Variants in SLC8A1 observed in about 807,000 individuals in gnomAD.
SLC8A1 encodes the protein solute carrier family 8 member A1.
In SLC8A1, 18 loss-of-function variants were observed where a neutral mutation model predicts 68.3. The observed-to-expected ratio is 0.26, with a 90% CI of 0.18 to 0.39. The LOEUF (loss-of-function observed/expected upper bound fraction) is 0.39. SLC8A1 is among the 10% of genes least tolerant of loss of function. SLC8A1 has a pLI of 1.00. For synonymous variants in SLC8A1, 475 were observed against 415.5 expected (o/e 1.14, Z -1.74); for missense variants, 985 against 1,156.7 (o/e 0.85, Z 2.15).
At chr2:40,258,459 C>T (rs1161639122) in intron 2 of SLC8A1, among the ~76,000 whole-genome samples, 1 of 152,192 alleles carries the variant, frequency 6.6e-6, no homozygotes, top group African/African-American at 2.4e-5. Context: ...TCCTACCTGT[C>T]ATTTCTTCCT....
intron 2 of SLC8A1, among the ~76,000 whole-genome samples, chr2:40,278,651 G>A (rs956888817): frequency 6.6e-6 from 1 of 152,104 alleles, no homozygotes; most frequent in Non-Finnish European, 1.5e-5. Context: ...TGGAGGCTAA[G>A]GGCATTGTGG....
At chr2:40,256,339 T>G (rs2063917749) in intron 2 of SLC8A1, among the ~76,000 whole-genome samples, 1 of 152,172 alleles carries the variant, frequency 6.6e-6, no homozygotes, top group Non-Finnish European at 1.5e-5. Flanking sequence ...TAATGTGTTT[T>G]AAGACCAAGG....
intron 2 of SLC8A1, among the ~76,000 whole-genome samples, chr2:40,342,365 G>C (rs1211242684): frequency 6.6e-6 from 1 of 152,050 alleles, no homozygotes; most frequent in African/African-American, 2.4e-5. Context: ...ATTTGATGTA[G>C]GCAAATCATA....
At chr2:40,385,067 T>G (rs1281926924) in intron 2 of SLC8A1, among the ~76,000 whole-genome samples, 1 of 152,130 alleles carries the variant, frequency 6.6e-6, no homozygotes, top group African/African-American at 2.4e-5. Context: ...CATGCCACTA[T>G]TCAATTCCTA....
intron 6 of SLC8A1, among the ~76,000 whole-genome samples, chr2:40,146,804 C>T (rs866058421): frequency 2.0e-5 from 3 of 152,036 alleles, no homozygotes; most frequent in African/African-American, 7.2e-5. Context: ...CTATACAGGC[C>T]CCATTAGCCA....
At chr2:40,276,750 T>C (rs2066747263) in intron 2 of SLC8A1, among the ~76,000 whole-genome samples, 1 of 152,236 alleles carries the variant, frequency 6.6e-6, no homozygotes. Flanking sequence ...CCATTCTTTT[T>C]ATTGGACATT....
intron 2 of SLC8A1, among the ~76,000 whole-genome samples, chr2:40,196,506 G>A (rs560380921): frequency 4.3e-4 from 65 of 152,018 alleles, no homozygotes; most frequent in African/African-American, 1.5e-3. Context: ...CTTTAGAAAC[G>A]AAGATTCCTT....
chr2:40,456,622 T>G (rs187705526), upstream of SLC8A1, among the ~76,000 whole-genome samples: 1 of 152,218 alleles, frequency 6.6e-6, no homozygotes, highest in Non-Finnish European at 1.5e-5. Context: ...TTGGAAAACA[T>G]GGATCATAAA....
chr2:40,461,749 G>A (rs1050513027), intron 1 of SLC8A1, among the ~76,000 whole-genome samples: 3 of 152,018 alleles, frequency 2.0e-5, no homozygotes, highest in Admixed American at 1.3e-4. Flanking sequence ...GAAGAACATT[G>A]TTTTGTTAAA....
chr2:40,286,615 T>C (rs964772699), intron 2 of SLC8A1, among the ~76,000 whole-genome samples: 8 of 152,166 alleles, frequency 5.3e-5, no homozygotes, highest in African/African-American at 1.9e-4. Flanking sequence ...AAAGGCCAGC[T>C]TAAGAAACAA....
At chr2:40,370,306 A>G (rs1677616995) in intron 2 of SLC8A1, among the ~76,000 whole-genome samples, 1 of 152,126 alleles carries the variant, frequency 6.6e-6, no homozygotes, top group Admixed American at 6.6e-5. Context: ...GGTACAGGAC[A>G]CCAGAACCCT....
exon 8 of SLC8A1, chr2:40,098,221 A>C (rs1254809599): frequency 1.3e-5 from 2 of 152,076 alleles, no homozygotes; most frequent in Non-Finnish European, 2.9e-5. Context: ...CTGAGTGTAC[A>C]TTGAATCACA....
intron 2 of SLC8A1, among the ~76,000 whole-genome samples, chr2:40,419,523 C>T (rs1369145033): frequency 2.0e-5 from 3 of 151,980 alleles, no homozygotes; most frequent in African/African-American, 7.2e-5. Context: ...ACTCACCCTG[C>T]CTCCACCTCC....
intron 2 of SLC8A1, among the ~76,000 whole-genome samples, chr2:40,321,295 G>A (rs190252674): frequency 2.2e-4 from 34 of 152,078 alleles, no homozygotes; most frequent in Admixed American, 6.6e-4. Context: ...TGTATGGTTT[G>A]CACAAGTAAA....
chr2:40,277,791 T>G (rs1198315534), intron 2 of SLC8A1, among the ~76,000 whole-genome samples: 1 of 67,592 alleles, frequency 1.5e-5, no homozygotes, highest in Non-Finnish European at 2.5e-5. Flanking sequence ...TATATATATG[T>G]GTGTATATAT....
chr2:40,304,348 C>A (rs1305628010), intron 2 of SLC8A1, among the ~76,000 whole-genome samples: 2 of 152,204 alleles, frequency 1.3e-5, no homozygotes, highest in African/African-American at 4.8e-5. Context: ...AGACACATCA[C>A]CCTGTTATAG....
At chr2:40,198,950 AG>A (rs1210977311) in intron 2 of SLC8A1, among the ~76,000 whole-genome samples, 5 of 151,496 alleles carry the variant, frequency 3.3e-5, no homozygotes, top group African/African-American at 1.2e-4. Context: ...AAAAAAAAAA[AG>A]AAGTTGAACT....
At chr2:40,295,463 T>G (rs1334807584) in intron 2 of SLC8A1, among the ~76,000 whole-genome samples, 1 of 152,158 alleles carries the variant, frequency 6.6e-6, no homozygotes, top group Non-Finnish European at 1.5e-5. Flanking sequence ...TGGTGTATAC[T>G]ATGTCATTCT....
intron 2 of SLC8A1, among the ~76,000 whole-genome samples, chr2:40,203,886 ATTT>A (rs60592471): frequency 1.3e-5 from 2 of 151,318 alleles, no homozygotes; most frequent in African/African-American, 4.9e-5. Context: ...TTAATTAAAA[ATTT>A]TTTTTTTGTA....
Sources: allele counts gnomAD v4.1 joint callset (sites outside exome capture counted in the v4.1 genomes callset), GRCh38; gene constraint gnomAD v4.1.1; transcripts MANE v1.5; gene names NCBI Gene and HGNC (gene_info 2026-07-23, HGNC 2026-07-21).